The following FBXL20 variants were observed in gnomAD, a reference collection of about 807,000 sequenced individuals.
FBXL20 encodes F-box and leucine rich repeat protein 20.
In FBXL20, 11 loss-of-function variants were observed where a neutral mutation model predicts 64.0. The observed-to-expected ratio is 0.17, with a 90% CI of 0.11 to 0.28. The LOEUF is 0.28. Ranked by LOEUF, FBXL20 falls within the 10% of genes least tolerant of loss-of-function variation. The pLI, the probability that FBXL20 is intolerant of heterozygous loss-of-function variation, is 1.00. For synonymous variants in FBXL20, 184 were observed against 189.0 expected (o/e 0.97, Z 0.22); for missense variants, 303 against 526.2 (o/e 0.58, Z 4.15).
At chr17:39,320,509 G>C (rs1339602463) in intron 2 of FBXL20, among the ~76,000 whole-genome samples, 1 of 151,334 alleles carries the variant, frequency 6.6e-6, no homozygotes, top group Non-Finnish European at 1.5e-5. Context: ...AGAGGCTTTT[G>C]AATATAACTT....
chr17:39,365,258 T>C (rs1018704535), intron 1 of FBXL20, among the ~76,000 whole-genome samples: 1 of 152,252 alleles, frequency 6.6e-6, no homozygotes, highest in Non-Finnish European at 1.5e-5. Context: ...CAGATGTTTT[T>C]TCCAGTTGGC....
intron 6 of FBXL20, among the ~76,000 whole-genome samples, chr17:39,292,250 GCCATCTGATATTACTGTCCACT>G (rs2047046422): frequency 6.7e-6 from 1 of 149,910 alleles, no homozygotes; most frequent in Non-Finnish European, 1.5e-5. Flanking sequence ...TTAAATTTAC[GCCATCTGATATTACTGTCCACT>G]CCAACTTTCC....
intron 1 of FBXL20, among the ~76,000 whole-genome samples, chr17:39,386,335 TAATC>T (rs1477733445): frequency 6.7e-6 from 1 of 148,304 alleles, no homozygotes; most frequent in Non-Finnish European, 1.5e-5. Context: ...AAATAAAAAT[TAATC>T]AGTCTAGGGA....
At chr17:39,402,032 C>A, upstream of FBXL20, 1 of 724,776 alleles carries the variant, frequency 1.4e-6, no homozygotes. Context: ...CTCCTCCCTC[C>A]GCGGGCAAAC....
At chr17:39,275,577 A>G (rs1199260411) in intron 9 of FBXL20, among the ~76,000 whole-genome samples, 1 of 145,828 alleles carries the variant, frequency 6.9e-6, no homozygotes, top group Non-Finnish European at 1.5e-5. Flanking sequence ...ATGTCCGGCA[A>G]TTTTTTTTTT....
At chr17:39,297,632 C>T (rs993177872) in intron 5 of FBXL20, 2 of 155,556 alleles carry the variant, frequency 1.3e-5, no homozygotes, top group African/African-American at 4.8e-5. Context: ...GACAGAAGCT[C>T]CTGTGCCTGG....
At chr17:39,328,130 C>T (rs1031225693) in intron 2 of FBXL20, among the ~76,000 whole-genome samples, 1 of 151,224 alleles carries the variant, frequency 6.6e-6, no homozygotes, top group Admixed American at 6.6e-5. Context: ...TGCCTGTAAT[C>T]CCAGTTACTT....
chr17:39,327,136 T>C (rs1008677099), intron 2 of FBXL20, among the ~76,000 whole-genome samples: 8 of 152,170 alleles, frequency 5.3e-5, no homozygotes, highest in Non-Finnish European at 7.4e-5. Flanking sequence ...TCCACCCGCC[T>C]TGGCCTCCCA....
At chr17:39,303,348 C>T (rs899009014) in intron 3 of FBXL20, among the ~76,000 whole-genome samples, 1 of 151,798 alleles carries the variant, frequency 6.6e-6, no homozygotes, top group Non-Finnish European at 1.5e-5. Context: ...GCTTTTTCAT[C>T]GAAAATGTTT....
At chr17:39,295,803 A>ATATATATATATATATATATATATT (rs2047079582) in intron 6 of FBXL20, among the ~76,000 whole-genome samples, 1 of 150,094 alleles carries the variant, frequency 6.7e-6, no homozygotes, top group African/African-American at 2.4e-5. Context: ...ATATATATAT[A>ATATATATATATATATATATATATT]TATTAAGTCT....
chr17:39,316,386 T>C (rs2047292615), intron 2 of FBXL20, among the ~76,000 whole-genome samples: 1 of 152,038 alleles, frequency 6.6e-6, no homozygotes, highest in African/African-American at 2.4e-5. Flanking sequence ...GGCAATGGTA[T>C]TTAACTCCCA....
At chr17:39,367,775 T>A (rs779882762) in intron 1 of FBXL20, among the ~76,000 whole-genome samples, 5 of 151,606 alleles carry the variant, frequency 3.3e-5, no homozygotes, top group Admixed American at 6.6e-5. Flanking sequence ...ATATATATAT[T>A]TTGAGAGTCT....
At chr17:39,339,982 A>G (rs755985583) in intron 2 of FBXL20, among the ~76,000 whole-genome samples, 18 of 150,868 alleles carry the variant, frequency 1.2e-4, no homozygotes, top group African/African-American at 4.4e-4. Flanking sequence ...TTTGTCGCCC[A>G]GGCTGAAGCG....
At chr17:39,366,971 C>T (rs1296373679) in intron 1 of FBXL20, among the ~76,000 whole-genome samples, 1 of 151,326 alleles carries the variant, frequency 6.6e-6, no homozygotes, top group Non-Finnish European at 1.5e-5. Flanking sequence ...GCAAGCTCTG[C>T]CCCTGGGTTC....
chr17:39,321,537 G>T (rs896347430), intron 2 of FBXL20, among the ~76,000 whole-genome samples: 7 of 150,764 alleles, frequency 4.6e-5, no homozygotes, highest in African/African-American at 1.7e-4. Context: ...CAACATTCTG[G>T]GAGGCCGAGG....
chr17:39,343,609 G>C (rs2047603274), intron 1 of FBXL20, among the ~76,000 whole-genome samples: 1 of 151,894 alleles, frequency 6.6e-6, no homozygotes, highest in South Asian at 2.1e-4. Context: ...ACTCACACTT[G>C]TAATTCCAGC....
At chr17:39,370,238 C>T (rs2047902563) in intron 1 of FBXL20, among the ~76,000 whole-genome samples, 1 of 151,746 alleles carries the variant, frequency 6.6e-6, no homozygotes, top group Admixed American at 6.6e-5. Context: ...CGCCTGTAAT[C>T]CTAGCACTTT....
At chr17:39,295,945 T>C (rs958321299) in intron 6 of FBXL20, among the ~76,000 whole-genome samples, 1 of 152,094 alleles carries the variant, frequency 6.6e-6, no homozygotes, top group Non-Finnish European at 1.5e-5. Flanking sequence ...ACCTGTTCTC[T>C]ACTAATAGAC....
chr17:39,322,330 T>A (rs1431777257), intron 2 of FBXL20, among the ~76,000 whole-genome samples: 1 of 149,448 alleles, frequency 6.7e-6, no homozygotes, highest in African/African-American at 2.6e-5. Context: ...GTTTTACAAT[T>A]AAATAAATTC....
Sources: gnomAD v4.1 joint callset for allele counts (sites outside exome capture counted in the v4.1 genomes callset) on GRCh38, gnomAD v4.1.1 for gene constraint, MANE v1.5 for transcripts, NCBI Gene and HGNC (gene_info 2026-07-23, HGNC 2026-07-21) for gene names.